The following AKT3 variants were observed in gnomAD, a reference collection of about 807,000 sequenced individuals.
AKT3 encodes RAC-gamma serine/threonine-protein kinase.
Under a neutral mutation model 65.3 loss-of-function variants are expected in AKT3, and 15 were observed. The observed-to-expected ratio is 0.23, with a 90% CI of 0.15 to 0.35. The LOEUF (loss-of-function observed/expected upper bound fraction) is 0.35. Ranked by LOEUF, AKT3 falls within the 10% of genes least tolerant of loss-of-function variation. The pLI, the probability that AKT3 is intolerant of heterozygous loss-of-function variation, is 1.00. For synonymous variants in AKT3, 206 were observed against 183.8 expected (o/e 1.12, Z -0.98); for missense variants, 243 against 576.5 (o/e 0.42, Z 5.92).
chr1:243,578,757 A>G (rs1271391948), intron 8 of AKT3, among the ~76,000 whole-genome samples: 1 of 152,214 alleles, frequency 6.6e-6, no homozygotes, highest in Non-Finnish European at 1.5e-5. Flanking sequence ...TCAACTAAAA[A>G]TGCCTGAGAC....
downstream of AKT3, among the ~76,000 whole-genome samples, chr1:243,496,201 C>T (rs1006600180): frequency 4.6e-5 from 7 of 152,212 alleles, no homozygotes; most frequent in Non-Finnish European, 8.8e-5. Context: ...TGGGAAGTGG[C>T]TGGGCAGGGA....
At chr1:243,491,631 CT>C (rs1158711796) in intron 13 of AKT3, among the ~76,000 whole-genome samples, 3 of 152,328 alleles carry the variant, frequency 2.0e-5, no homozygotes, top group Non-Finnish European at 4.4e-5. Flanking sequence ...GCTTCAGCCT[CT>C]GCGATGCCTT....
At chr1:243,785,219 C>T (rs1270592595) in intron 2 of AKT3, among the ~76,000 whole-genome samples, 2 of 151,790 alleles carry the variant, frequency 1.3e-5, no homozygotes, top group African/African-American at 4.9e-5. Context: ...CAGGCGCCAG[C>T]CACCATGCCC....
At chr1:243,715,790 C>A (rs965673566) in intron 2 of AKT3, among the ~76,000 whole-genome samples, 1 of 151,892 alleles carries the variant, frequency 6.6e-6, no homozygotes, top group Non-Finnish European at 1.5e-5. Context: ...GAATAAAAAG[C>A]CATTCTTAGT....
chr1:243,691,814 G>T (rs1684709700), intron 3 of AKT3, among the ~76,000 whole-genome samples: 1 of 152,184 alleles, frequency 6.6e-6, no homozygotes, highest in Non-Finnish European at 1.5e-5. Flanking sequence ...CTAGCCTAGA[G>T]ATTTAAGTGT....
chr1:243,615,694 G>A (rs1314828889), intron 6 of AKT3, among the ~76,000 whole-genome samples: 2 of 152,044 alleles, frequency 1.3e-5, no homozygotes, highest in Non-Finnish European at 2.9e-5. Flanking sequence ...AAGGAACAGA[G>A]TATAAAAATA....
At chr1:243,830,733 G>A (rs1449911335) in intron 2 of AKT3, among the ~76,000 whole-genome samples, 1 of 152,154 alleles carries the variant, frequency 6.6e-6, no homozygotes, top group Non-Finnish European at 1.5e-5. Flanking sequence ...ACCGTTCTAA[G>A]AGTAAAGCAA....
intron 5 of AKT3, 32 bp downstream of exon 5, chr1:243,645,861 T>C (rs772684599): frequency 6.4e-7 from 1 of 1,557,438 alleles, no homozygotes. Flanking sequence ...GACAAATGAA[T>C]GCTGTGCTGG....
intron 6 of AKT3, among the ~76,000 whole-genome samples, chr1:243,631,588 G>T (rs564603692): frequency 9.9e-5 from 15 of 152,222 alleles, no homozygotes; most frequent in African/African-American, 3.4e-4. Context: ...CATGCCCAGC[G>T]TGGCAATTTC....
chr1:243,760,282 C>CTGTTT (rs1689402221), intron 2 of AKT3, among the ~76,000 whole-genome samples: 1 of 80,914 alleles, frequency 1.2e-5, no homozygotes, highest in East Asian at 4.5e-4. Flanking sequence ...CTATATCTGG[C>CTGTTT]TTTTTTTTTT....
At chr1:243,594,143 C>T (rs953973759) in intron 8 of AKT3, among the ~76,000 whole-genome samples, 1 of 152,076 alleles carries the variant, frequency 6.6e-6, no homozygotes, top group Non-Finnish European at 1.5e-5. Flanking sequence ...CAACTATATT[C>T]TTATATGCTA....
At chr1:243,632,327 T>C (rs1679669308) in intron 6 of AKT3, among the ~76,000 whole-genome samples, 1 of 152,228 alleles carries the variant, frequency 6.6e-6, no homozygotes, top group Non-Finnish European at 1.5e-5. Flanking sequence ...CATCTCCTTG[T>C]ATATCTCCAT....
Position 243,843,715 on chromosome 1 carries a change from G to C in AKT3, c.-112-433C>G, listed in dbSNP as rs141042513. On this transcript the variant is annotated intron_variant, in intron 1 of 13. Coordinates refer to ENST00000673466, the MANE Select transcript of AKT3 (RefSeq NM_005465.7). Reference sequence around the variant, plus strand: ...TCGCCAGGCTGGAGTACAGTGGCGCGATCTCTGCTCACTGCAACCTCCACC... The same window carrying C: ...TCGCCAGGCTGGAGTACAGTGGCGCCATCTCTGCTCACTGCAACCTCCACC... 10 of 376,706 alleles carry C rather than the reference G, an allele frequency of 2.7e-5. No homozygotes were observed. The South Asian group carries it at 3.3e-4, about 13-fold the overall frequency. 23.3% of individuals were successfully genotyped at this position (376,706 alleles called of 1,614,324 possible). A position where few individuals can be genotyped will look rare whatever the true frequency, so the allele number is the denominator to read the frequency against.
chr1:243,494,220 GTTT>G (rs1023233005), intron 13 of AKT3, among the ~76,000 whole-genome samples: 4 of 152,090 alleles, frequency 2.6e-5, no homozygotes, highest in African/African-American at 9.7e-5. Context: ...CCAAATTGTT[GTTT>G]TTTTGTTTTT....
chr1:243,786,411 C>A (rs1691263812), intron 2 of AKT3, among the ~76,000 whole-genome samples: 1 of 152,148 alleles, frequency 6.6e-6, no homozygotes, highest in Admixed American at 6.5e-5. Context: ...GCAGGATAGT[C>A]AGTTATTTAA....
At chr1:243,656,508 G>A (rs1282822221) in intron 4 of AKT3, among the ~76,000 whole-genome samples, 1 of 152,144 alleles carries the variant, frequency 6.6e-6, no homozygotes, top group East Asian at 1.9e-4. Flanking sequence ...AATAATAAAA[G>A]TTTGTGATGG....
intron 8 of AKT3, among the ~76,000 whole-genome samples, chr1:243,583,557 G>GAAAAAAAAAAAAAAAAAAAAAAAAA (rs977215298): frequency 7.7e-5 from 3 of 38,778 alleles, no homozygotes; most frequent in East Asian, 8.0e-4. Flanking sequence ...AAAAAAAAAA[G>GAAAAAAAAAAAAAAAAAAAAAAAAA]AAAAAAAAAA....
In AKT3 at chr1:243,823,490, G is replaced by A. The variant is rs78995414; in HGVS notation, c.46+19635C>T. On this transcript the variant is annotated intron_variant, in intron 2 of 13. Transcript: ENST00000673466. ...GAGAGGAAGTCAAACTGTCTTGTTT[G>A]CAGATGACATGACCCTATATCTGGA... Among the ~76,000 whole-genome samples the A allele has an allele frequency of 7.0e-3, 1,072 of 152,296 alleles. 10 individuals are homozygous for A. Among genetic ancestry groups the A allele is most frequent in the African/African-American group, 0.025 (1,027 of 41,554 alleles).
intron 3 of AKT3, among the ~76,000 whole-genome samples, chr1:243,685,645 T>C (rs1684237068): frequency 6.6e-6 from 1 of 152,130 alleles, no homozygotes; most frequent in Non-Finnish European, 1.5e-5. Flanking sequence ...TGGCTTAGGA[T>C]TGTTTTGGCT....
Sources: allele counts gnomAD v4.1 joint callset (sites outside exome capture counted in the v4.1 genomes callset), GRCh38; gene constraint gnomAD v4.1.1; transcripts MANE v1.5; gene names NCBI Gene and HGNC (gene_info 2026-07-23, HGNC 2026-07-21).